Variants in GALNT18 observed in about 807,000 individuals in gnomAD.
GALNT18 encodes polypeptide N-acetylgalactosaminyltransferase 18.
Under a neutral mutation model 69.5 loss-of-function variants are expected in GALNT18, and 44 were observed. The observed-to-expected ratio is 0.63, with a 90% CI of 0.50 to 0.81. The LOEUF (loss-of-function observed/expected upper bound fraction) is 0.81. GALNT18 is among the 40% of genes least tolerant of loss of function. The pLI, the probability that GALNT18 is intolerant of heterozygous loss-of-function variation, is 0.00. For synonymous variants in GALNT18, 364 were observed against 318.2 expected, an observed-to-expected ratio of 1.14 and a Z score of -1.53; for missense variants, 715 against 810.0, an observed-to-expected ratio of 0.88 and a Z score of 1.42.
chr11:11,575,287 T>G (rs1434274695), intron 1 of GALNT18, among the ~76,000 whole-genome samples: 1 of 152,194 alleles, frequency 6.6e-6, no homozygotes, highest in Non-Finnish European at 1.5e-5. Flanking sequence ...AGCCTCTGCT[T>G]TGAGGCTGCC....
In GALNT18 at chr11:11,563,992, G is replaced by A. The variant is rs977413265; in HGVS notation, c.235+57367C>T. ...ATCTGACATGATGGCTTGCTCCAAC[G>A]CCCTAAAAACCAGCAACGATCAACT... On this transcript the variant is annotated intron_variant, in intron 1 of 10. Coordinates refer to ENST00000227756, the MANE Select transcript of GALNT18 (RefSeq NM_198516.3). The surrounding 1 kb of genome is among the most constrained non-coding windows in gnomAD (Gnocchi z 4.6). Among the ~76,000 whole-genome samples, 10 of 152,204 alleles carry A rather than the reference G, an allele frequency of 6.6e-5. No individual in the cohort carries two copies. The highest frequency in any genetic ancestry group is 1.2e-4 in the African/African-American group (5 of 41,538).
At chr11:11,426,780 G>A (rs1855143293) in intron 3 of GALNT18, among the ~76,000 whole-genome samples, 1 of 152,116 alleles carries the variant, frequency 6.6e-6, no homozygotes. Flanking sequence ...TAGTGGGAAG[G>A]AGGCATTTGA....
chr11:11,585,083 C>A (rs1453502270), intron 1 of GALNT18, among the ~76,000 whole-genome samples: 1 of 152,168 alleles, frequency 6.6e-6, no homozygotes, highest in Non-Finnish European at 1.5e-5. Context: ...ATCTGCCTAA[C>A]TCTGTGAGCT....
In GALNT18 at chr11:11,621,447, G is replaced by A; in HGVS notation, c.147C>T (p.Asp49=). The change falls in exon 1 of 11, where the codon GAC becomes GAT. Residue 49 remains aspartate, a synonymous_variant. Transcript: ENST00000227756. The surrounding 1 kb of genome is among the most constrained non-coding windows in gnomAD (Gnocchi z 9.3). ...VYVRGQEPAP[D]KKLEEDKGDT... The stretch of plus-strand genomic sequence containing the variant: ...CCCCTTTGTCTTCCTCCAGCTTCTT[G>A]TCGGGCGCCGGCTCCTGCCCCCGCA... The A allele has an allele frequency of 6.2e-7, 1 of 1,614,128 alleles. No individual in the cohort carries two copies. Among genetic ancestry groups the A allele is most frequent in the Non-Finnish European group, 8.5e-7 (1 of 1,180,018 alleles).
chr11:11,484,593 CAAAAAAAAAAA>C (rs1159968814), intron 1 of GALNT18, among the ~76,000 whole-genome samples: 1 of 83,066 alleles, frequency 1.2e-5, no homozygotes, highest in East Asian at 3.4e-4. Flanking sequence ...AACTCCATCT[CAAAAAAAAAAA>C]AAAAAAAAAA....
intron 2 of GALNT18, among the ~76,000 whole-genome samples, chr11:11,434,219 CCTT>C (rs1472723861): frequency 6.6e-6 from 1 of 152,148 alleles, no homozygotes; most frequent in Non-Finnish European, 1.5e-5. Context: ...TTCCAGCTCT[CCTT>C]CTCTCTCGCC....
chr11:11,548,585 C>T (rs1484939507), intron 1 of GALNT18, among the ~76,000 whole-genome samples: 7 of 152,202 alleles, frequency 4.6e-5, no homozygotes, highest in African/African-American at 1.7e-4. Flanking sequence ...GGGAAGGCCT[C>T]TGAAAGCCTC....
At chr11:11,433,224 G>A (rs548595337) in intron 2 of GALNT18, among the ~76,000 whole-genome samples, 48 of 152,342 alleles carry the variant, frequency 3.2e-4, no homozygotes, top group African/African-American at 1.1e-3. Context: ...AGACAAAGAC[G>A]CCTCCTCCCA....
chr11:11,286,145 C>T (rs1006406926), intron 10 of GALNT18, among the ~76,000 whole-genome samples: 14 of 152,192 alleles, frequency 9.2e-5, no homozygotes, highest in Admixed American at 2.0e-4. Flanking sequence ...CCAATGTTCC[C>T]GCCAAAGAAC....
chr11:11,593,316 G>A (rs1423256453), intron 1 of GALNT18, among the ~76,000 whole-genome samples: 4 of 151,948 alleles, frequency 2.6e-5, no homozygotes, highest in South Asian at 2.1e-4. Flanking sequence ...TTCAGTTTGC[G>A]GACCCTGGAA....
Position 11,436,197 on chromosome 11 carries a change from G to A in GALNT18, c.429-3410C>T, listed in dbSNP as rs1294389977. ...GTTCCCAGTTCTGCCCCACCTTGCT[G>A]TGTGACCATGAATGAGCCACCTTCC... is the stretch of plus-strand genomic sequence containing the variant. On this transcript the variant is annotated intron_variant, in intron 2 of 10. Coordinates refer to ENST00000227756, the MANE Select transcript of GALNT18 (RefSeq NM_198516.3). The surrounding 1 kb of genome is among the most constrained non-coding windows in gnomAD (Gnocchi z 4.5). Among the ~76,000 whole-genome samples the A allele has an allele frequency of 7.2e-5, 11 of 152,240 alleles. No individual in the cohort carries two copies. The highest frequency in any genetic ancestry group is 6.5e-4 in the Admixed American group (10 of 15,288).
chr11:11,439,444 T>C lies in GALNT18; in HGVS notation c.429-6657A>G, dbSNP rs533098861. 6.6e-6 allele frequency among the ~76,000 whole-genome samples: 1 copy of C among 152,328 alleles called. No individual in the cohort carries two copies. Among genetic ancestry groups the C allele is most frequent in the Admixed American group, 6.5e-5 (1 of 15,304 alleles). On this transcript the variant is annotated intron_variant, in intron 2 of 10. Coordinates refer to ENST00000227756, the MANE Select transcript of GALNT18 (RefSeq NM_198516.3). This position sits in a 1 kb window ranked among gnomAD's most constrained non-coding sequence, Gnocchi z 4.4. ...TCCTTGCTCCCTGAGAACACGTACATAACCCAGTAGAGAAAGACCAATTCC... is the reference window on the plus strand; with the variant it reads ...TCCTTGCTCCCTGAGAACACGTACACAACCCAGTAGAGAAAGACCAATTCC...
At chr11:11,484,946 T>C (rs1590043955) in intron 1 of GALNT18, among the ~76,000 whole-genome samples, 1 of 152,214 alleles carries the variant, frequency 6.6e-6, no homozygotes, top group Admixed American at 6.5e-5. Context: ...GCATCTGCCA[T>C]GCCCATGATT....
intron 1 of GALNT18, among the ~76,000 whole-genome samples, chr11:11,547,302 G>A (rs1405641853): frequency 6.6e-6 from 1 of 152,166 alleles, no homozygotes; most frequent in Non-Finnish European, 1.5e-5. Context: ...TGGGGGTGGA[G>A]GCAGCCACAG....
intron 3 of GALNT18, among the ~76,000 whole-genome samples, chr11:11,379,549 T>C (rs920741539): frequency 6.6e-5 from 10 of 152,174 alleles, no homozygotes; most frequent in Admixed American, 1.3e-4. Context: ...AACAAGCCAA[T>C]AGGAAAATGG....
intron 9 of GALNT18, among the ~76,000 whole-genome samples, chr11:11,297,931 C>A (rs1021326955): frequency 1.3e-5 from 2 of 152,208 alleles, no homozygotes; most frequent in Non-Finnish European, 2.9e-5. Context: ...TCAACACATC[C>A]GTATCCTGGA....
At position 11,383,041 on chromosome 11, in the gene GALNT18, C is replaced by T. The variant is rs1219572983; in HGVS notation, c.596-3777G>A. On this transcript the variant is annotated intron_variant, in intron 3 of 10. Transcript: ENST00000227756. The surrounding 1 kb of genome is among the most constrained non-coding windows in gnomAD (Gnocchi z 5.2). Reference sequence around the variant, plus strand: ...GCTACTTCAGCTCTCTCCTACTGTCCACAAATCCCTGATCTCCTGACATTG... The same window carrying T: ...GCTACTTCAGCTCTCTCCTACTGTCTACAAATCCCTGATCTCCTGACATTG... 6.6e-6 allele frequency among the ~76,000 whole-genome samples: 1 copy of T among 152,118 alleles called. No homozygotes were observed. The highest frequency in any genetic ancestry group is 1.5e-5 in the Non-Finnish European group (1 of 68,024).
At chr11:11,327,510 G>A (rs1160136671) in intron 8 of GALNT18, among the ~76,000 whole-genome samples, 1 of 152,242 alleles carries the variant, frequency 6.6e-6, no homozygotes, top group Non-Finnish European at 1.5e-5. Context: ...GCCTTCAAGT[G>A]TCCCTGAGAG....
chr11:11,489,485 G>C (rs1433545473), intron 1 of GALNT18, among the ~76,000 whole-genome samples: 1 of 152,216 alleles, frequency 6.6e-6, no homozygotes, highest in African/African-American at 2.4e-5. Flanking sequence ...GCCCACCACT[G>C]TCCATGCCAG....
Sources: allele counts gnomAD v4.1 joint callset (sites outside exome capture counted in the v4.1 genomes callset), GRCh38; gene constraint gnomAD v4.1.1; non-coding constraint Gnocchi (gnomAD v3.1); transcripts MANE v1.5; gene names NCBI Gene and HGNC (gene_info 2026-07-23, HGNC 2026-07-21).